Variants in NEGR1 observed in about 807,000 individuals in gnomAD.
NEGR1 encodes neuronal growth regulator 1.
NEGR1 carries 10 observed loss-of-function variants against 40.9 expected under a neutral mutation model. The observed-to-expected ratio is 0.24, with a 90% CI of 0.15 to 0.42. The LOEUF (loss-of-function observed/expected upper bound fraction) is 0.42, where lower values mean the gene tolerates loss of function less well. NEGR1 is among the 10% of genes least tolerant of loss of function. NEGR1 has a pLI of 1.00. For synonymous variants in NEGR1, 185 were observed against 166.8 expected (o/e 1.11, Z -0.84); for missense variants, 352 against 438.9 (o/e 0.80, Z 1.77).
intron 4 of NEGR1, among the ~76,000 whole-genome samples, chr1:71,684,278 A>T (rs1411004844): frequency 3.3e-5 from 5 of 152,192 alleles, no homozygotes; most frequent in Non-Finnish European, 5.9e-5. Flanking sequence ...CTCAAAAAAA[A>T]ATTATAACGC....
chr1:71,688,358 T>TATAAAAGATATAAAAAAG (rs1653120580), intron 4 of NEGR1, among the ~76,000 whole-genome samples: 2 of 82,314 alleles, frequency 2.4e-5, no homozygotes, highest in African/African-American at 4.8e-5. Context: ...AGATAGATTA[T>TATAAAAGATATAAAAAAG]ATATATATGA....
chr1:71,449,134 C>T (rs1405181432), intron 6 of NEGR1, among the ~76,000 whole-genome samples: 1 of 152,100 alleles, frequency 6.6e-6, no homozygotes, highest in Non-Finnish European at 1.5e-5. Context: ...CTCTGTGAAC[C>T]CTAAGCTGAT....
chr1:72,029,504 G>A (rs957574244), intron 1 of NEGR1, among the ~76,000 whole-genome samples: 3 of 152,118 alleles, frequency 2.0e-5, no homozygotes, highest in African/African-American at 2.4e-5. Flanking sequence ...GATCATTAAC[G>A]ATCTATCCAG....
chr1:72,032,627 A>G (rs1016419601), intron 1 of NEGR1, among the ~76,000 whole-genome samples: 10 of 152,100 alleles, frequency 6.6e-5, no homozygotes, highest in Non-Finnish European at 1.0e-4. Flanking sequence ...ACACACATAA[A>G]ATCTTTTTAC....
intron 1 of NEGR1, among the ~76,000 whole-genome samples, chr1:72,273,427 T>C (rs1655923360): frequency 6.6e-6 from 1 of 152,018 alleles, no homozygotes; most frequent in South Asian, 2.1e-4. Flanking sequence ...ATCTGTTGAT[T>C]ATAATTGTCA....
At chr1:72,112,383 T>TTTCCATAATATA (rs1553141290) in intron 1 of NEGR1, among the ~76,000 whole-genome samples, 1 of 151,760 alleles carries the variant, frequency 6.6e-6, no homozygotes, top group Non-Finnish European at 1.5e-5. Flanking sequence ...TATTTCATTT[T>TTTCCATAATATA]TTCCAAAATT....
chr1:72,174,152 T>C (rs1380823944), intron 1 of NEGR1, among the ~76,000 whole-genome samples: 1 of 152,176 alleles, frequency 6.6e-6, no homozygotes, highest in Non-Finnish European at 1.5e-5. Flanking sequence ...GTAAATTTCA[T>C]TATCTTGCAA....
At chr1:72,009,601 C>A (rs1433097631) in intron 1 of NEGR1, among the ~76,000 whole-genome samples, 8 of 151,916 alleles carry the variant, frequency 5.3e-5, no homozygotes, top group Non-Finnish European at 1.0e-4. Context: ...CAAGGAACAT[C>A]CTAAGGATTA....
intron 6 of NEGR1, among the ~76,000 whole-genome samples, chr1:71,491,117 TA>T (rs1201140042): frequency 2.0e-5 from 3 of 152,028 alleles, no homozygotes; most frequent in Non-Finnish European, 4.4e-5. Flanking sequence ...CAAAAATATT[TA>T]AAAAATTGCA....
intron 4 of NEGR1, among the ~76,000 whole-genome samples, chr1:71,678,099 T>TA (rs1346691279): frequency 2.6e-5 from 4 of 151,250 alleles, no homozygotes; most frequent in South Asian, 2.1e-4. Flanking sequence ...TAGGGCATGG[T>TA]AAAAAAAAGA....
At chr1:71,987,470 G>A (rs556613072) in intron 1 of NEGR1, among the ~76,000 whole-genome samples, 20 of 152,252 alleles carry the variant, frequency 1.3e-4, no homozygotes, top group African/African-American at 4.3e-4. Context: ...ACTAAATAAC[G>A]CCGACCAAAT....
At chr1:71,786,607 G>T (rs1656917792) in intron 2 of NEGR1, among the ~76,000 whole-genome samples, 2 of 152,044 alleles carry the variant, frequency 1.3e-5, no homozygotes, top group African/African-American at 2.4e-5. Flanking sequence ...AGTGAGTTTG[G>T]GTCCATCTTA....
At chr1:72,239,861 C>T (rs1450151729) in intron 1 of NEGR1, among the ~76,000 whole-genome samples, 1 of 151,536 alleles carries the variant, frequency 6.6e-6, no homozygotes, top group Non-Finnish European at 1.5e-5. Flanking sequence ...AATTGAACTC[C>T]GATGATTTTA....
At chr1:71,872,379 C>T (rs982701143) in intron 2 of NEGR1, among the ~76,000 whole-genome samples, 38 of 152,112 alleles carry the variant, frequency 2.5e-4, no homozygotes, top group African/African-American at 6.3e-4. Flanking sequence ...GTGTTGTAGA[C>T]GTTAACTCTG....
At chr1:71,557,366 T>C (rs769396681) in intron 6 of NEGR1, among the ~76,000 whole-genome samples, 1 of 151,574 alleles carries the variant, frequency 6.6e-6, no homozygotes, top group African/African-American at 2.4e-5. Context: ...TCCAGACAAA[T>C]GTTAGCTTTG....
At chr1:72,095,411 TTAATTA>T (rs887348711) in intron 1 of NEGR1, among the ~76,000 whole-genome samples, 3 of 152,122 alleles carry the variant, frequency 2.0e-5, no homozygotes, top group Admixed American at 2.0e-4. Context: ...GTATAATTCT[TTAATTA>T]TAAGAATCAA....
rs1280047412 is a variant in NEGR1 at position 72,133,718 on chromosome 1, T to G, written c.176+148601A>C. ...ATTTTAGCAGAGATTCATTAGCACATAAGTAGCAAAAAAAGAATGTCATCA... is the reference window on the plus strand; with the variant it reads ...ATTTTAGCAGAGATTCATTAGCACAGAAGTAGCAAAAAAAGAATGTCATCA... On this transcript the variant is annotated intron_variant, in intron 1 of 6. Coordinates refer to ENST00000357731, the MANE Select transcript of NEGR1 (RefSeq NM_173808.3). Among the ~76,000 whole-genome samples the G allele has an allele frequency of 3.3e-5, 5 of 151,714 alleles. No individual in the cohort carries two copies. In the East Asian group the frequency reaches 9.7e-4, roughly 29 times the overall value.
intron 4 of NEGR1, among the ~76,000 whole-genome samples, chr1:71,626,361 CT>C (rs1650778001): frequency 7.5e-6 from 1 of 133,050 alleles, no homozygotes; most frequent in East Asian, 2.8e-4. Context: ...TCCCTCCCCC[CT>C]CCCCCGACCC....
intron 1 of NEGR1, among the ~76,000 whole-genome samples, chr1:72,140,609 GA>G (rs1053545413): frequency 6.6e-6 from 1 of 151,892 alleles, no homozygotes; most frequent in Admixed American, 6.6e-5. Context: ...TTTTGGAGGG[GA>G]CAAATATTCA....
Sources: allele counts gnomAD v4.1 joint callset (sites outside exome capture counted in the v4.1 genomes callset), GRCh38; gene constraint gnomAD v4.1.1; transcripts MANE v1.5; gene names NCBI Gene and HGNC (gene_info 2026-07-23, HGNC 2026-07-21).